Variants in PTPRD observed in about 807,000 individuals in gnomAD.
The protein encoded by PTPRD is protein tyrosine phosphatase receptor type D.
In PTPRD, 34 loss-of-function variants were observed where a neutral mutation model predicts 214.5. The observed-to-expected ratio is 0.16, with a 90% CI of 0.12 to 0.21. PTPRD has a LOEUF of 0.21. PTPRD is among the 10% of genes least tolerant of loss of function. The probability of loss-of-function intolerance (pLI) is 1.00; values close to 1 mark genes in which losing one functional copy is unlikely to be tolerated. For missense variants in PTPRD, 2,545 were observed against 2,398.7 expected (o/e 1.06, Z -1.27); for synonymous variants, 1,128 against 845.7 (o/e 1.33, Z -5.79).
intron 7 of PTPRD, among the ~76,000 whole-genome samples, chr9:9,637,016 T>C (rs2095794065): frequency 6.6e-6 from 1 of 152,064 alleles, no homozygotes; most frequent in Non-Finnish European, 1.5e-5. Flanking sequence ...ACTCCCTACA[T>C]TAAACCCTTT....
At chr9:9,421,425 T>A (rs181655072) in intron 8 of PTPRD, among the ~76,000 whole-genome samples, 6 of 152,212 alleles carry the variant, frequency 3.9e-5, no homozygotes, top group Admixed American at 3.3e-4. Context: ...TAAGACTGAC[T>A]AAACCATAAA....
At chr9:9,195,441 G>T (rs1045526852) in intron 9 of PTPRD, among the ~76,000 whole-genome samples, 3 of 152,056 alleles carry the variant, frequency 2.0e-5, no homozygotes, top group South Asian at 2.1e-4. Context: ...AGGCCAATTG[G>T]TCATATCCGT....
chr9:10,518,691 C>A (rs1181751126), intron 2 of PTPRD, among the ~76,000 whole-genome samples: 1 of 151,988 alleles, frequency 6.6e-6, no homozygotes. Context: ...CGCCACCACA[C>A]CCGGCTAATT....
At chr9:8,757,285 G>A (rs1237845930) in intron 11 of PTPRD, among the ~76,000 whole-genome samples, 1 of 152,134 alleles carries the variant, frequency 6.6e-6, no homozygotes, top group Non-Finnish European at 1.5e-5. Flanking sequence ...TAGGGAATGT[G>A]AACAATTAGA....
intron 3 of PTPRD, among the ~76,000 whole-genome samples, chr9:10,222,357 A>C (rs1051601404): frequency 2.6e-5 from 4 of 152,036 alleles, no homozygotes; most frequent in African/African-American, 9.7e-5. Flanking sequence ...AATAAATAGA[A>C]ATTGGCCACT....
chr9:10,107,888 T>A (rs1342364284), intron 3 of PTPRD, among the ~76,000 whole-genome samples: 1 of 152,178 alleles, frequency 6.6e-6, no homozygotes, highest in Non-Finnish European at 1.5e-5. Context: ...TAGTTCAACA[T>A]ACTCACAAAC....
At chr9:9,811,842 G>T (rs894921317) in intron 5 of PTPRD, among the ~76,000 whole-genome samples, 1 of 152,148 alleles carries the variant, frequency 6.6e-6, no homozygotes, top group Non-Finnish European at 1.5e-5. Context: ...AGTTTGAGGG[G>T]ATTGACTCTA....
chr9:8,589,515 T>C (rs1325269829), intron 14 of PTPRD, among the ~76,000 whole-genome samples: 1 of 152,230 alleles, frequency 6.6e-6, no homozygotes, highest in Non-Finnish European at 1.5e-5. Flanking sequence ...AACCTAATTC[T>C]AATTATCTGA....
chr9:8,417,775 T>G (rs1445426756), intron 35 of PTPRD, among the ~76,000 whole-genome samples: 3 of 152,112 alleles, frequency 2.0e-5, no homozygotes, highest in African/African-American at 7.2e-5. Context: ...GGGGATGCAG[T>G]AGACATTAAA....
chr9:10,387,233 G>C (rs1030041102), intron 2 of PTPRD, among the ~76,000 whole-genome samples: 44 of 151,860 alleles, frequency 2.9e-4, no homozygotes, highest in African/African-American at 1.0e-3. Flanking sequence ...AGCAGCAATA[G>C]GAAACTAACA....
At chr9:9,407,861 T>C (rs2074056396) in intron 8 of PTPRD, among the ~76,000 whole-genome samples, 1 of 151,870 alleles carries the variant, frequency 6.6e-6, no homozygotes, top group African/African-American at 2.4e-5. Context: ...CTTTGTTTCC[T>C]TTCCTCTCAC....
intron 3 of PTPRD, among the ~76,000 whole-genome samples, chr9:10,256,829 G>A (rs1276920461): frequency 6.6e-6 from 1 of 152,052 alleles, no homozygotes; most frequent in Non-Finnish European, 1.5e-5. Flanking sequence ...TGTTTCCCCT[G>A]CAAGGAATTC....
chr9:10,011,096 C>T lies in PTPRD; in HGVS notation c.-472+22622G>A, dbSNP rs187525439. On this transcript the variant is annotated intron_variant, in intron 4 of 45. Coordinates refer to ENST00000381196, the MANE Select transcript of PTPRD (RefSeq NM_002839.4). ...GCTTTAAGAAGAAAGTCATTCTCCA[C>T]AATCCCTTCACCACACCTTATACCT... Among the ~76,000 whole-genome samples the T allele has an allele frequency of 2.3e-3, 349 of 152,040 alleles. 2 individuals carry two copies. Among genetic ancestry groups the T allele is most frequent in the Middle Eastern group, 6.8e-3 (2 of 294 alleles).
intron 3 of PTPRD, among the ~76,000 whole-genome samples, chr9:10,102,764 A>C (rs1291700570): frequency 6.6e-6 from 1 of 151,596 alleles, no homozygotes; most frequent in Non-Finnish European, 1.5e-5. Context: ...TATAAAGAAA[A>C]ATTTTCTATT....
At chr9:8,722,923 C>T (rs1326159849) in intron 12 of PTPRD, among the ~76,000 whole-genome samples, 1 of 152,144 alleles carries the variant, frequency 6.6e-6, no homozygotes, top group South Asian at 2.1e-4. Context: ...TTCAGTTAAG[C>T]TGTTTAGACA....
At chr9:8,713,918 A>C in intron 12 of PTPRD, 1 of 732,844 alleles carries the variant, frequency 1.4e-6, no homozygotes, top group Non-Finnish European at 2.2e-6. Context: ...ATCTTTATCC[A>C]CTGACGCATA....
At chr9:8,413,772 G>C (rs2093696688) in intron 35 of PTPRD, among the ~76,000 whole-genome samples, 1 of 152,016 alleles carries the variant, frequency 6.6e-6, no homozygotes, top group Non-Finnish European at 1.5e-5. Flanking sequence ...AACTAGAAAG[G>C]CTAGAACAAA....
intron 8 of PTPRD, among the ~76,000 whole-genome samples, chr9:9,562,865 T>G (rs1469477878): frequency 1.3e-5 from 2 of 152,152 alleles, no homozygotes; most frequent in Non-Finnish European, 2.9e-5. Context: ...ATATGCTAGA[T>G]TATTCTATCA....
chr9:10,162,732 C>CAT (rs920076439), intron 3 of PTPRD, among the ~76,000 whole-genome samples: 55 of 136,542 alleles, frequency 4.0e-4, no homozygotes, highest in African/African-American at 1.3e-3. Context: ...TATACATGTA[C>CAT]ATATATATAT....
Sources: allele counts gnomAD v4.1 joint callset (sites outside exome capture counted in the v4.1 genomes callset), GRCh38; gene constraint gnomAD v4.1.1; transcripts MANE v1.5; gene names NCBI Gene and HGNC (gene_info 2026-07-23, HGNC 2026-07-21).